MECOM: variants seen among roughly 807,000 people sequenced by gnomAD.
The protein encoded by MECOM is histone-lysine N-methyltransferase MECOM.
A neutral mutation model predicts 116.3 loss-of-function variants in MECOM; 13 were observed. The observed-to-expected ratio is 0.11, with a 90% CI of 0.07 to 0.18. The LOEUF is 0.18. Ranked by LOEUF, MECOM falls within the 10% of genes least tolerant of loss-of-function variation. The pLI is 1.00. For synonymous variants in MECOM, 528 were observed against 535.2 expected, an observed-to-expected ratio of 0.99 and a Z score of 0.19; for missense variants, 1,299 against 1,509.0, an observed-to-expected ratio of 0.86 and a Z score of 2.31.
intron 1 of MECOM, among the ~76,000 whole-genome samples, chr3:169,389,318 A>G (rs1394791968): frequency 6.6e-6 from 1 of 152,222 alleles, no homozygotes; most frequent in African/African-American, 2.4e-5. Context: ...TACTGAATCT[A>G]AAAGAGCTAA....
rs561181050 is a variant in MECOM, at chr3:169,492,587, G to T, written c.38-111063C>A. ...TTAAATACAGTTATTTACCATACAC[G>T]TGTTTAATACTATTATTATATAACC... On this transcript the variant is annotated intron_variant, in intron 1 of 16. Coordinates refer to ENST00000651503, the MANE Select transcript of MECOM (RefSeq NM_004991.4). Among the ~76,000 whole-genome samples the T allele has an allele frequency of 1.1e-4, 16 of 152,168 alleles. No homozygotes were observed. The South Asian group carries it at 3.1e-3, about 30-fold the overall frequency.
At chr3:169,269,622 T>G (rs1397395181) in intron 2 of MECOM, among the ~76,000 whole-genome samples, 1 of 152,166 alleles carries the variant, frequency 6.6e-6, no homozygotes, top group Admixed American at 6.5e-5. Flanking sequence ...GCTTCTTAAT[T>G]TGTTGGCCTC....
At chr3:169,316,537 C>T (rs985099858) in intron 2 of MECOM, among the ~76,000 whole-genome samples, 1 of 152,094 alleles carries the variant, frequency 6.6e-6, no homozygotes, top group Non-Finnish European at 1.5e-5. Flanking sequence ...ATATGTCAAA[C>T]ATTTGTCACT....
intron 2 of MECOM, among the ~76,000 whole-genome samples, chr3:169,172,120 T>C (rs1007132682): frequency 6.8e-6 from 1 of 148,070 alleles, no homozygotes; most frequent in Admixed American, 6.7e-5. Context: ...AAGAGTGATA[T>C]ATGAAAAAAT....
At chr3:169,165,211 G>A (rs1279074165) in intron 2 of MECOM, among the ~76,000 whole-genome samples, 2 of 152,114 alleles carry the variant, frequency 1.3e-5, no homozygotes, top group Admixed American at 1.3e-4. Flanking sequence ...ACTGTTTACT[G>A]CACCATTTGA....
chr3:169,609,951 T>C (rs1157683416), intron 1 of MECOM, among the ~76,000 whole-genome samples: 1 of 152,212 alleles, frequency 6.6e-6, no homozygotes, highest in Non-Finnish European at 1.5e-5. Context: ...CATTCTCTAC[T>C]ATGTTTTCCC....
At position 169,353,022 on chromosome 3, in the gene MECOM, A is replaced by G. The variant is rs149060584; in HGVS notation, c.375+28165T>C. Among the ~76,000 whole-genome samples, 674 of 152,040 alleles carry G rather than the reference A, an allele frequency of 4.4e-3. 2 individuals are homozygous for G. The highest frequency in any genetic ancestry group is 0.024 in the Middle Eastern group (7 of 294). On this transcript the variant is annotated intron_variant, in intron 2 of 16. Coordinates refer to ENST00000651503, the MANE Select transcript of MECOM (RefSeq NM_004991.4). ...AGCCTCTCCCCAAAAGGGAAGTTAC[A>G]TTGTTGATTTATCCCACGAGGCTAC... is the stretch of plus-strand genomic sequence containing the variant.
At chr3:169,153,508 C>T (rs1288486001) in intron 2 of MECOM, among the ~76,000 whole-genome samples, 3 of 151,920 alleles carry the variant, frequency 2.0e-5, no homozygotes, top group African/African-American at 7.3e-5. Flanking sequence ...TTGGAAAAAA[C>T]CTCAACTCTA....
At chr3:169,397,744 C>G (rs905602199) in intron 1 of MECOM, among the ~76,000 whole-genome samples, 1 of 152,164 alleles carries the variant, frequency 6.6e-6, no homozygotes, top group Admixed American at 6.5e-5. Context: ...AAACCCCACC[C>G]AGCATTCTCC....
Position 169,105,054 on chromosome 3 carries a change from G to A in MECOM, c.2605-2828C>T, listed in dbSNP as rs1003639145. Among the ~76,000 whole-genome samples, 124 of 152,196 alleles carry A rather than the reference G, an allele frequency of 8.1e-4. 1 individual carries two copies. The highest frequency in any genetic ancestry group is 2.8e-3 in the African/African-American group (116 of 41,546). On this transcript the variant is annotated intron_variant, in intron 10 of 16. Transcript: ENST00000651503. The stretch of plus-strand genomic sequence containing the variant: ...GGAGTGGGGAAAGGGAGGGAAAGAC[G>A]ATGGGAAGCGAGCTGAGGGTAACTA...
At chr3:169,286,266 G>T (rs1395531413) in intron 2 of MECOM, among the ~76,000 whole-genome samples, 1 of 152,180 alleles carries the variant, frequency 6.6e-6, no homozygotes, top group Non-Finnish European at 1.5e-5. Context: ...CAGTAGGGCT[G>T]CCTGGATGAG....
At chr3:169,203,360 T>C (rs1749459554) in intron 2 of MECOM, among the ~76,000 whole-genome samples, 2 of 152,142 alleles carry the variant, frequency 1.3e-5, no homozygotes, top group Non-Finnish European at 2.9e-5. Flanking sequence ...ATAGCTGGAT[T>C]GGAGTCTAAG....
In MECOM at chr3:169,115,780, G is replaced by T. The variant is rs769121186; in HGVS notation, c.2092C>A (p.Pro698Thr). The change falls in exon 8 of 17, where the codon CCA becomes ACA. Residue 698 changes from proline to threonine, a missense_variant. By Grantham distance (38) the Pro-to-Thr change is conservative. This residue lies in a region of MECOM where 340 missense variants were observed against 312.6 expected (regional missense o/e 1.09). Coordinates refer to ENST00000651503, the MANE Select transcript of MECOM (RefSeq NM_004991.4). ...ALPYPSMFPL[P>T]FFPAFSQSMY... ...GATTGAGAGAATGCTGGAAAAAATG[G>T]GAGGGGAAACATGGAAGGGTAAGGT... 2.5e-6 allele frequency: 4 copies of T among 1,614,144 alleles called. No individual in the cohort carries two copies. Among genetic ancestry groups the T allele is most frequent in the Non-Finnish European group, 3.4e-6 (4 of 1,180,012 alleles).
chr3:169,402,287 C>T (rs931192242), intron 1 of MECOM, among the ~76,000 whole-genome samples: 3 of 152,108 alleles, frequency 2.0e-5, no homozygotes, highest in Admixed American at 2.0e-4. Context: ...GATTGGAATA[C>T]TGAACAACGA....
At chr3:169,547,682 C>G (rs1056922920) in intron 1 of MECOM, among the ~76,000 whole-genome samples, 13 of 152,098 alleles carry the variant, frequency 8.5e-5, no homozygotes, top group African/African-American at 3.1e-4. Context: ...ATAATCTTTG[C>G]CAATGTAATT....
chr3:169,510,476 A>G (rs1313007479), intron 1 of MECOM, among the ~76,000 whole-genome samples: 1 of 152,204 alleles, frequency 6.6e-6, no homozygotes, highest in Non-Finnish European at 1.5e-5. Context: ...GAGGACACTA[A>G]TTATTATGAA....
chr3:169,633,394 T>C lies in MECOM; in HGVS notation c.37+29942A>G, dbSNP rs535590776. Among the ~76,000 whole-genome samples, 5 of 152,260 alleles carry C rather than the reference T, an allele frequency of 3.3e-5. 1 individual carries two copies. The South Asian group carries it at 1.0e-3, about 32-fold the overall frequency. On this transcript the variant is annotated intron_variant, in intron 1 of 16. Transcript: ENST00000651503. ...TTCCCATTTATCTCATACTTACACATCTTAGCAGAAGATAGATGTGTGCGT... is the reference window on the plus strand; with the variant it reads ...TTCCCATTTATCTCATACTTACACACCTTAGCAGAAGATAGATGTGTGCGT...
At chr3:169,114,064 C>T (rs1442034396) in intron 8 of MECOM, among the ~76,000 whole-genome samples, 2 of 152,066 alleles carry the variant, frequency 1.3e-5, no homozygotes, top group Admixed American at 1.3e-4. Context: ...CCAGTTGCTA[C>T]TGAGAGGGTA....
intron 16 of MECOM, among the ~76,000 whole-genome samples, chr3:169,087,220 C>T (rs1399404057): frequency 1.3e-5 from 2 of 152,046 alleles, no homozygotes; most frequent in African/African-American, 2.4e-5. Flanking sequence ...TCACTTCTGG[C>T]AGTTTCTGGA....
Sources: allele counts gnomAD v4.1 joint callset (sites outside exome capture counted in the v4.1 genomes callset), GRCh38; gene constraint gnomAD v4.1.1; regional missense constraint gnomAD v4.1.1; transcripts MANE v1.5; gene names NCBI Gene and HGNC (gene_info 2026-07-23, HGNC 2026-07-21).